ARHGAP24: variants seen among roughly 807,000 people sequenced by gnomAD.
ARHGAP24 encodes the protein Rho GTPase activating protein 24, also known as rho GTPase-activating protein 24.
In ARHGAP24, 50 loss-of-function variants were observed where a neutral mutation model predicts 76.4. The observed-to-expected ratio is 0.65, with a 90% CI of 0.52 to 0.83. The LOEUF (loss-of-function observed/expected upper bound fraction) is 0.83, where lower values mean the gene tolerates loss of function less well. ARHGAP24 is among the 40% of genes least tolerant of loss of function. The pLI is 0.00. For synonymous variants in ARHGAP24, 345 were observed against 323.3 expected (o/e 1.07, Z -0.72); for missense variants, 930 against 914.2 (o/e 1.02, Z -0.22).
chr4:85,963,905 CT>C (rs1004657797), intron 5 of ARHGAP24, among the ~76,000 whole-genome samples: 18 of 151,310 alleles, frequency 1.2e-4, no homozygotes, highest in African/African-American at 2.7e-4. Flanking sequence ...TTTTTTTCAA[CT>C]TTTTTTTATT....
chr4:85,665,921 T>C (rs554868052), intron 2 of ARHGAP24, among the ~76,000 whole-genome samples: 75 of 152,310 alleles, frequency 4.9e-4, no homozygotes, highest in African/African-American at 1.7e-3. Flanking sequence ...GTGGGTAACC[T>C]GACCTTTCTC....
chr4:85,957,876 C>T (rs1738014283), intron 5 of ARHGAP24, among the ~76,000 whole-genome samples: 1 of 152,078 alleles, frequency 6.6e-6, no homozygotes, highest in Non-Finnish European at 1.5e-5. Flanking sequence ...TGTCATGTTG[C>T]ATCATGTTTT....
chr4:85,566,545 C>T (rs1399817993), intron 1 of ARHGAP24, among the ~76,000 whole-genome samples: 1 of 152,150 alleles, frequency 6.6e-6, no homozygotes, highest in Admixed American at 6.5e-5. Context: ...GCATTAAATG[C>T]AATGAAAAAG....
intron 2 of ARHGAP24, among the ~76,000 whole-genome samples, chr4:85,667,408 G>T (rs1235861850): frequency 2.6e-5 from 4 of 152,034 alleles, no homozygotes; most frequent in African/African-American, 7.3e-5. Flanking sequence ...TGTCACCCCT[G>T]TCTTTGACTA....
rs999074663 is a variant in ARHGAP24 at position 85,690,919 on chromosome 4, C to T, written c.181-30966C>T. Among the ~76,000 whole-genome samples the T allele has an allele frequency of 8.6e-5, 13 of 151,988 alleles. No homozygotes were observed. In the East Asian group the frequency reaches 2.3e-3, roughly 27 times the overall value. ...TTCTTTTGTTGTTCTTATTCTGGTT[C>T]TTTTAGGTGCAAGGTAAGGTTGCTA... On this transcript the variant is annotated intron_variant, in intron 2 of 9. Transcript: ENST00000395184.
intron 8 of ARHGAP24, among the ~76,000 whole-genome samples, chr4:85,979,083 A>G (rs1366709673): frequency 1.3e-5 from 2 of 152,154 alleles, no homozygotes; most frequent in Non-Finnish European, 2.9e-5. Flanking sequence ...TCATGGTGCA[A>G]TGTAATATAT....
intron 2 of ARHGAP24, among the ~76,000 whole-genome samples, chr4:85,690,576 T>C (rs1723594974): frequency 6.6e-6 from 1 of 152,130 alleles, no homozygotes; most frequent in Admixed American, 6.5e-5. Flanking sequence ...TCTCTTTCCT[T>C]TAGATTTTCT....
chr4:85,682,917 A>G (rs1363389784), intron 2 of ARHGAP24, among the ~76,000 whole-genome samples: 1 of 152,188 alleles, frequency 6.6e-6, no homozygotes, highest in Non-Finnish European at 1.5e-5. Context: ...TCAAAGACAC[A>G]TAATATGATT....
At chr4:85,496,133 A>G (rs1437795949) in intron 1 of ARHGAP24, among the ~76,000 whole-genome samples, 1 of 152,220 alleles carries the variant, frequency 6.6e-6, no homozygotes, top group African/African-American at 2.4e-5. Flanking sequence ...ACAAATGCCA[A>G]CATTTTTGTA....
intron 6 of ARHGAP24, among the ~76,000 whole-genome samples, chr4:85,973,247 A>G (rs1404790706): frequency 2.0e-5 from 3 of 152,318 alleles, no homozygotes; most frequent in Admixed American, 2.0e-4. Context: ...GTCGTATCTC[A>G]TTGAAGGTTG....
chr4:85,928,051 A>C (rs552884284), intron 4 of ARHGAP24, among the ~76,000 whole-genome samples: 2 of 152,318 alleles, frequency 1.3e-5, no homozygotes, highest in African/African-American at 4.8e-5. Flanking sequence ...AAACGTGAAA[A>C]GTGTTGAATC....
intron 2 of ARHGAP24, among the ~76,000 whole-genome samples, chr4:85,682,760 T>C (rs1176893264): frequency 6.6e-6 from 1 of 152,200 alleles, no homozygotes; most frequent in Non-Finnish European, 1.5e-5. Context: ...GCAGACACTA[T>C]GAAAACTGCA....
chr4:85,804,786 A>G (rs1373735332), intron 3 of ARHGAP24, among the ~76,000 whole-genome samples: 1 of 152,184 alleles, frequency 6.6e-6, no homozygotes, highest in African/African-American at 2.4e-5. Flanking sequence ...TCTCTTGAAG[A>G]CATTAGCTGT....
intron 2 of ARHGAP24, among the ~76,000 whole-genome samples, chr4:85,713,090 G>A (rs1368204762): frequency 6.6e-6 from 1 of 152,098 alleles, no homozygotes; most frequent in African/African-American, 2.4e-5. Flanking sequence ...TTGAGCATAG[G>A]AGTTTGAGAC....
chr4:85,504,955 A>T, intron 1 of ARHGAP24, among the ~76,000 whole-genome samples: 1 of 152,016 alleles, frequency 6.6e-6, no homozygotes. Flanking sequence ...TTTGTAAAGG[A>T]TTTTATTTTC....
chr4:85,520,295 G>A (rs1475073505), intron 1 of ARHGAP24, among the ~76,000 whole-genome samples: 5 of 152,116 alleles, frequency 3.3e-5, no homozygotes, highest in Non-Finnish European at 5.9e-5. Context: ...CTGCAGGTAA[G>A]TCATGAGAGA....
intron 5 of ARHGAP24, among the ~76,000 whole-genome samples, chr4:85,965,994 T>C (rs1161563541): frequency 2.0e-5 from 3 of 152,164 alleles, no homozygotes; most frequent in African/African-American, 7.2e-5. Flanking sequence ...GACTGGTAGC[T>C]TGAAACAACA....
intron 2 of ARHGAP24, among the ~76,000 whole-genome samples, chr4:85,617,992 T>TA (rs1299478777): frequency 6.6e-6 from 1 of 152,212 alleles, no homozygotes; most frequent in Non-Finnish European, 1.5e-5. Context: ...TGTGTGTGTA[T>TA]ATGTAGTAAG....
chr4:85,831,132 C>A (rs1729974784), intron 3 of ARHGAP24, among the ~76,000 whole-genome samples: 1 of 152,112 alleles, frequency 6.6e-6, no homozygotes. Context: ...AAATCGGATT[C>A]TAATATCTAC....
Sources: allele counts gnomAD v4.1 joint callset (sites outside exome capture counted in the v4.1 genomes callset), GRCh38; gene constraint gnomAD v4.1.1; transcripts MANE v1.5; gene names NCBI Gene and HGNC (gene_info 2026-07-23, HGNC 2026-07-21).